The following DUOX1 variants were observed in gnomAD, a reference collection of about 807,000 sequenced individuals.
The protein encoded by DUOX1 is dual oxidase 1.
In DUOX1, 134 loss-of-function variants were observed where a neutral mutation model predicts 181.8. The ratio of observed to expected loss-of-function variants is 0.74; its 90% CI spans 0.64 to 0.85. The LOEUF is 0.85. Ranked by LOEUF, DUOX1 falls within the 40% of genes least tolerant of loss-of-function variation. DUOX1 has a pLI of 0.00. For synonymous variants in DUOX1, 798 were observed against 832.5 expected (o/e 0.96, Z 0.71); for missense variants, 1,814 against 2,064.4 (o/e 0.88, Z 2.35).
In DUOX1 at chr15:45,155,691, C is replaced by A. The variant is rs1222136582; in HGVS notation, c.3575-111C>A. The A allele has an allele frequency of 5.3e-6, 8 of 1,499,174 alleles. No homozygotes were observed. In the African/African-American group the frequency reaches 5.5e-5, roughly 10 times the overall value. The allele number at this position is 1,499,174 out of a possible 1,614,324, so 92.9% of individuals were successfully genotyped here. On this transcript the variant is annotated intron_variant, in intron 27 of 33. Transcript: ENST00000389037. ...AGAGGACCAGAGGAGAATGCTGGGA[C>A]ATTCTTACTCCAACTTGGGCAGTGG...
chr15:45,150,569 T>C (rs141856935), intron 21 of DUOX1, 63 bp from the exon 22 acceptor site: 67,040 of 1,511,706 alleles, frequency 0.044, 1,625 homozygotes, highest in South Asian at 0.048. Flanking sequence ...TGCTGTGCGT[T>C]TGAGCCAGGT....
In DUOX1 at chr15:45,163,634, C is replaced by T; in HGVS notation, c.4351C>T (p.His1451Tyr). Reference sequence around the variant, plus strand: ...TGACCACCAGGACCTGGTGTCTGTGCACATCTACATCACCCAGCTGGCTGA... The same window carrying T: ...TGACCACCAGGACCTGGTGTCTGTGTACATCTACATCACCCAGCTGGCTGA... ...ENDHQDLVSV[H>Y]IYITQLAEKF... The change falls in exon 32 of 34, where the codon CAC (histidine) becomes TAC (tyrosine). Residue 1451 changes from histidine to tyrosine, a missense_variant. By Grantham distance (83) the His-to-Tyr change is moderately conservative. Transcript: ENST00000389037. The T allele has an allele frequency of 6.2e-7, 1 of 1,614,144 alleles. No individual in the cohort carries two copies. Among genetic ancestry groups the T allele is most frequent in the East Asian group, 2.2e-5 (1 of 44,882 alleles).
chr15:45,141,912 C>T (rs1896503965), intron 14 of DUOX1, 63 bp from the exon 15 acceptor site: 26 of 1,556,696 alleles, frequency 1.7e-5, no homozygotes, highest in East Asian at 1.4e-4. Context: ...TAACCTCCTC[C>T]GTGATCCTGT....
intron 4 of DUOX1, among the ~76,000 whole-genome samples, 193 bp from the exon 5 acceptor site, chr15:45,134,911 G>A (rs1896247738): frequency 6.6e-6 from 1 of 152,216 alleles, no homozygotes; most frequent in Admixed American, 6.5e-5. Flanking sequence ...CAACAGCTTG[G>A]ATCAGGTGTA....
chr15:45,158,847 G>A (rs1320436265), intron 28 of DUOX1, among the ~76,000 whole-genome samples: 1 of 151,732 alleles, frequency 6.6e-6, no homozygotes, highest in Non-Finnish European at 1.5e-5. Context: ...GTGACAAAAA[G>A]TGGCACATGC....
At chr15:45,148,590 T>C (rs1454822636) in intron 21 of DUOX1, 143 bp downstream of exon 21, 7 of 772,230 alleles carry the variant, frequency 9.1e-6, no homozygotes, top group Admixed American at 3.4e-5. Flanking sequence ...TGTAATAATG[T>C]ATCCAATCTG....
chr15:45,135,176 T>TCCCG lies in DUOX1; in HGVS notation c.385_388dup (p.Gly130AlafsTer166), dbSNP rs1896260695. The stretch of plus-strand genomic sequence containing the variant: ...CCCGCCGAGTTCCTCAACATTCGCA[T>TCCCG]CCCGCCCGGAGACCCCATGTTCGAC... On this transcript the variant is annotated frameshift_variant, in exon 5 of 34. Transcript: ENST00000389037. LOFTEE classifies it high-confidence loss of function. 2 of 1,613,626 alleles carry TCCCG rather than the reference T, an allele frequency of 1.2e-6. No homozygotes were observed. Among genetic ancestry groups the TCCCG allele is most frequent in the African/African-American group, 1.3e-5 (1 of 74,884 alleles).
chr15:45,144,001 T>A, intron 16 of DUOX1, 35 bp from the exon 17 acceptor site: 1 of 1,610,072 alleles, frequency 6.2e-7, no homozygotes, highest in South Asian at 1.1e-5. Flanking sequence ...CTCTGATGGG[T>A]CCCAGCTGAC....
intron 31 of DUOX1, among the ~76,000 whole-genome samples, 159 bp from the exon 32 acceptor site, chr15:45,163,373 C>A (rs2141313669): frequency 6.6e-6 from 1 of 152,352 alleles, no homozygotes; most frequent in Admixed American, 6.5e-5. Context: ...TCTCTGGCCT[C>A]AGAGCCTGGC....
chr15:45,164,700 A>G (rs1897184378), intron 33 of DUOX1, 79 bp from the exon 34 acceptor site: 1 of 1,541,606 alleles, frequency 6.5e-7, no homozygotes, highest in Non-Finnish European at 8.9e-7. Context: ...TGAACTAGGG[A>G]GCTACCCCTT....
At chr15:45,149,169 AC>A (rs1397780413) in intron 21 of DUOX1, among the ~76,000 whole-genome samples, 1 of 152,154 alleles carries the variant, frequency 6.6e-6, no homozygotes, top group Non-Finnish European at 1.5e-5. Context: ...TTGAGACCAA[AC>A]CCAGCCCCTC....
At position 45,163,558 on chromosome 15, in the gene DUOX1, C is replaced by G; in HGVS notation, c.4275C>G (p.Thr1425=). Residue 1425 remains threonine, a synonymous_variant, in exon 32 of 34, where the codon ACC becomes ACG. Coordinates refer to ENST00000389037, the MANE Select transcript of DUOX1 (RefSeq NM_175940.3). The part of the protein sequence containing the change: ...KKIYFIWVTR[T]QRQFEWLADI... Reference sequence around the variant, plus strand: ...TCTACTTCATCTGGGTGACGCGGACCCAGCGTCAGTTTGAGTGGCTGGCTG... The same window carrying G: ...TCTACTTCATCTGGGTGACGCGGACGCAGCGTCAGTTTGAGTGGCTGGCTG... 1.9e-6 allele frequency: 3 copies of G among 1,614,158 alleles called. No homozygotes were observed. The highest frequency in any genetic ancestry group is 1.7e-6 in the Non-Finnish European group (2 of 1,180,026).
At position 45,147,912 on chromosome 15, in the gene DUOX1, G is replaced by A. The variant is rs756631385; in HGVS notation, c.2557G>A (p.Glu853Lys). 1 of 1,614,042 alleles carries A rather than the reference G, an allele frequency of 6.2e-7. No homozygotes were observed. The highest frequency in any genetic ancestry group is 1.7e-5 in the Admixed American group (1 of 60,032). The change falls in exon 20 of 34, where the codon GAG becomes AAG. Residue 853 changes from glutamate (E) to lysine (K), a missense_variant. Coordinates refer to ENST00000389037, the MANE Select transcript of DUOX1 (RefSeq NM_175940.3). The part of the protein sequence containing the change: ...ILVVFMKGSP[E>K]EKSRLMFRMY... ...AGTCCTCCCTCTCCCAGGCTCTCCT[G>A]AGGAAAAGTCTCGCCTTATGTTCCG...
At chr15:45,154,120 T>G in intron 27 of DUOX1, 120 bp downstream of exon 27, 2 of 940,456 alleles carry the variant, frequency 2.1e-6, no homozygotes, top group Non-Finnish European at 3.5e-6. Context: ...ACCCAGGCTC[T>G]GTCCTCTGGC....
At position 45,152,407 on chromosome 15, in the gene DUOX1, C is replaced by A. The variant is rs201967135; in HGVS notation, c.3315C>A (p.Cys1105Ter). The change falls in exon 25 of 34, where the codon TGC becomes TGA. Residue 1105 changes from cysteine to a stop codon, truncating the protein, a stop_gained. Coordinates refer to ENST00000389037, the MANE Select transcript of DUOX1 (RefSeq NM_175940.3). LOFTEE classifies it high-confidence loss of function. ...TCTCCTACATCTTGCTCACCATGTG[C>A]CGCAACCTCATCACCTTCCTGCGAG... ...FMFSYILLTMCRNLITFLRET... is the reference protein window; with the variant it reads ...FMFSYILLTM 1.2e-6 allele frequency: 2 copies of A among 1,614,218 alleles called. No individual in the cohort carries two copies. The highest frequency in any genetic ancestry group is 1.7e-5 in the Admixed American group (1 of 60,030).
At chr15:45,135,010 G>C in intron 4 of DUOX1, 94 bp from the exon 5 acceptor site, 1 of 1,472,922 alleles carries the variant, frequency 6.8e-7, no homozygotes, top group Non-Finnish European at 9.2e-7. Flanking sequence ...TGAGTCTTTT[G>C]AAGCTTCAGG....
intron 18 of DUOX1, among the ~76,000 whole-genome samples, chr15:45,146,616 A>T (rs1333143099): frequency 6.6e-6 from 1 of 152,256 alleles, no homozygotes; most frequent in Non-Finnish European, 1.5e-5. Flanking sequence ...GCAACCGAAG[A>T]GACTTGCATG....
chr15:45,131,462 CT>C (rs1239585766), intron 1 of DUOX1: 4 of 163,998 alleles, frequency 2.4e-5, no homozygotes, highest in African/African-American at 9.6e-5. Flanking sequence ...GGCATATTTG[CT>C]CCCATAGCTG....
chr15:45,141,370 C>T lies in DUOX1; in HGVS notation c.1644C>T (p.Asp548=). The change falls in exon 14 of 34, where the codon GAC becomes GAT. Residue 548 remains aspartate, a synonymous_variant. Coordinates refer to ENST00000389037, the MANE Select transcript of DUOX1 (RefSeq NM_175940.3). The part of the protein sequence containing the change: ...QDVLVAVINI[D]PSALQPNVFV... ...TGCTGGTCGCTGTTATCAACATTGA[C>T]CCCAGTGCTCTGCAGCCCAATGTCT... is the stretch of plus-strand genomic sequence containing the variant. 6.2e-7 allele frequency: 1 copy of T among 1,614,222 alleles called. No individual in the cohort carries two copies.
Sources: allele counts gnomAD v4.1 joint callset (sites outside exome capture counted in the v4.1 genomes callset), GRCh38; gene constraint gnomAD v4.1.1; transcripts MANE v1.5; gene names NCBI Gene and HGNC (gene_info 2026-07-23, HGNC 2026-07-21).